Variants in VAV1 observed in about 807,000 individuals in gnomAD.
VAV1 encodes the protein proto-oncogene vav.
In VAV1, 33 loss-of-function variants were observed where a neutral mutation model predicts 128.1. The observed-to-expected ratio is 0.26, with a 90% CI of 0.20 to 0.34. VAV1 has a LOEUF of 0.34. Among genes scored for constraint, VAV1 ranks in the 10% least tolerant of loss-of-function variants. VAV1 has a pLI of 1.00. For missense variants in VAV1, 715 were observed against 1,093.7 expected (o/e 0.65, Z 4.88); for synonymous variants, 394 against 409.8 (o/e 0.96, Z 0.47).
rs573907106 is a variant in VAV1, at chr19:6,833,036, C to T, written c.1509-148C>T. ...TGCATGGCAGCACGATTCAGTGTGG[C>T]CAAAGGGTGAAAACGACCCAAAAGC... On this transcript the variant is annotated intron_variant, in intron 15 of 26. Transcript: ENST00000602142. 2.3e-3 allele frequency: 1,536 copies of T among 664,138 alleles called. 3 individuals are homozygous for T. The highest frequency in any genetic ancestry group is 3.4e-3 in the Non-Finnish European group (1,330 of 396,552). 41.1% of individuals were successfully genotyped at this position (664,138 alleles called of 1,614,324 possible).
At chr19:6,835,614 A>G (rs928468064) in intron 19 of VAV1, among the ~76,000 whole-genome samples, 1 of 152,210 alleles carries the variant, frequency 6.6e-6, no homozygotes, top group Non-Finnish European at 1.5e-5. Context: ...TGAGTTTTCT[A>G]TAAATAAAAT....
rs138673908 is a variant in VAV1 at position 6,798,025 on chromosome 19, C to T, written c.205-22677C>T. Among the ~76,000 whole-genome samples the T allele has an allele frequency of 2.1e-3, 319 of 152,064 alleles. 1 individual carries two copies. The highest frequency in any genetic ancestry group is 7.5e-3 in the African/African-American group (311 of 41,496). On this transcript the variant is annotated intron_variant, in intron 1 of 26. Coordinates refer to ENST00000602142, the MANE Select transcript of VAV1 (RefSeq NM_005428.4). Reference sequence around the variant, plus strand: ...GGGCGCGGTGGCTCACGCTGTAATCCCAGCACTTTGGGAGGCCGAGGTGGG... The same window carrying T: ...GGGCGCGGTGGCTCACGCTGTAATCTCAGCACTTTGGGAGGCCGAGGTGGG...
chr19:6,807,303 C>T (rs1464090650), intron 1 of VAV1, among the ~76,000 whole-genome samples: 1 of 151,850 alleles, frequency 6.6e-6, no homozygotes, highest in Non-Finnish European at 1.5e-5. Flanking sequence ...ACTAGATGAT[C>T]CCATCTGGGG....
chr19:6,835,582 A>T (rs981325140), intron 19 of VAV1, among the ~76,000 whole-genome samples: 1 of 152,212 alleles, frequency 6.6e-6, no homozygotes, highest in Non-Finnish European at 1.5e-5. Flanking sequence ...CTCTATCACC[A>T]TAGATTAATT....
chr19:6,811,753 A>C, intron 1 of VAV1, among the ~76,000 whole-genome samples: 1 of 152,176 alleles, frequency 6.6e-6, no homozygotes, highest in Non-Finnish European at 1.5e-5. Flanking sequence ...ATCACAGCTA[A>C]CTCTGGCCCA....
intron 21 of VAV1, among the ~76,000 whole-genome samples, chr19:6,841,410 G>C (rs1972374029): frequency 6.6e-6 from 1 of 151,950 alleles, no homozygotes; most frequent in African/African-American, 2.4e-5. Context: ...AAACAGGACG[G>C]CTGGGTCATA....
At chr19:6,833,803 A>C in intron 18 of VAV1, 70 bp downstream of exon 18, 1 of 1,613,276 alleles carries the variant, frequency 6.2e-7, no homozygotes, top group Non-Finnish European at 8.5e-7. Context: ...GACCCAGGAC[A>C]TCCTGGAACT....
chr19:6,850,822 G>T, intron 24 of VAV1, 65 bp downstream of exon 24: 1 of 1,541,618 alleles, frequency 6.5e-7, no homozygotes, highest in Non-Finnish European at 8.9e-7. Context: ...CTGCACCTCC[G>T]CCTTGGGACC....
intron 9 of VAV1, among the ~76,000 whole-genome samples, chr19:6,827,588 TTTTG>T (rs146513546): frequency 8.6e-5 from 13 of 151,916 alleles, no homozygotes; most frequent in Admixed American, 3.3e-4. Context: ...CCCATTGCTT[TTTTG>T]TTTGTTTGTT....
chr19:6,825,360 C>G lies in VAV1; in HGVS notation c.781C>G (p.Pro261Ala). Reference protein sequence around the residue: ...LKEMKEALGTPGAANLYQVFI... With the variant: ...LKEMKEALGTAGAANLYQVFI... ...GGAGATGAAGGAAGCCCTGGGCACC[C>G]CTGGCGCAGCCAATCTCTACCAGGT... The change falls in exon 8 of 27, where the codon CCT (proline) becomes GCT (alanine). Residue 261 changes from proline to alanine, a missense_variant. Coordinates refer to ENST00000602142, the MANE Select transcript of VAV1 (RefSeq NM_005428.4). 6.2e-7 allele frequency: 1 copy of G among 1,613,894 alleles called. No homozygotes were observed.
chr19:6,811,034 CTATT>C (rs1002791231), intron 1 of VAV1, among the ~76,000 whole-genome samples: 1 of 152,030 alleles, frequency 6.6e-6, no homozygotes, highest in Non-Finnish European at 1.5e-5. Flanking sequence ...TTATTCATTT[CTATT>C]TATTTATTTA....
rs1970529774 is a variant in VAV1 at position 6,772,714 on chromosome 19, A to G, written c.-94A>G. The G allele has an allele frequency of 7.4e-7, 1 of 1,347,194 alleles. No individual in the cohort carries two copies. The highest frequency in any genetic ancestry group is 1.0e-6 in the Non-Finnish European group (1 of 986,126). The allele number at this position is 1,347,194 out of a possible 1,614,324, so 83.5% of individuals were successfully genotyped here. On this transcript the variant is annotated 5_prime_UTR_variant, in exon 1 of 27. Coordinates refer to ENST00000602142, the MANE Select transcript of VAV1 (RefSeq NM_005428.4). The surrounding 1 kb of genome is among the most constrained non-coding windows in gnomAD (Gnocchi z 4.8). ...GCAAAGAAGAGGAAGTGGTAGCACT[A>G]GCTGTCGCTCCACAGGCGAGCAGGG...
intron 1 of VAV1, among the ~76,000 whole-genome samples, chr19:6,783,702 G>A (rs138384737): frequency 0.015 from 2,209 of 151,948 alleles, 54 homozygotes; most frequent in African/African-American, 0.051. Flanking sequence ...TCCTGACCTC[G>A]GGTGATCCAC....
chr19:6,827,032 T>G, intron 9 of VAV1: 1 of 324,398 alleles, frequency 3.1e-6, no homozygotes, highest in South Asian at 4.5e-5. Flanking sequence ...AGCTCCCACT[T>G]CTCACTGAAC....
chr19:6,844,852 T>TA (rs946072298), intron 22 of VAV1, among the ~76,000 whole-genome samples: 6 of 151,012 alleles, frequency 4.0e-5, no homozygotes, highest in African/African-American at 9.8e-5. Flanking sequence ...AATGCAACAT[T>TA]AAAAAAAATC....
At chr19:6,831,523 A>G (rs1972054170) in intron 14 of VAV1, among the ~76,000 whole-genome samples, 1 of 152,144 alleles carries the variant, frequency 6.6e-6, no homozygotes, top group Non-Finnish European at 1.5e-5. Context: ...CACATTGGTC[A>G]GGCTGGTCTC....
chr19:6,828,498 G>A lies in VAV1; in HGVS notation c.1092+11G>A, dbSNP rs1478691176. The A allele has an allele frequency of 6.2e-7, 1 of 1,614,188 alleles. No homozygotes were observed. ...CTGGATGCCATGAGGGTGAGTGGGT[G>A]TAGGGTGCTGGTGACTCACCTGCTG... is the stretch of plus-strand genomic sequence containing the variant. On this transcript the variant is annotated intron_variant, in intron 11 of 26. Transcript: ENST00000602142. The surrounding 1 kb of genome is among the most constrained non-coding windows in gnomAD (Gnocchi z 4.5).
intron 1 of VAV1, among the ~76,000 whole-genome samples, chr19:6,803,650 T>C (rs13345466): frequency 0.18 from 26,725 of 151,888 alleles, 4,339 homozygotes; most frequent in African/African-American, 0.43. Flanking sequence ...CTGCAACCTC[T>C]GCTTCCCAGG....
chr19:6,798,109 T>C (rs916754499), intron 1 of VAV1, among the ~76,000 whole-genome samples: 7 of 152,008 alleles, frequency 4.6e-5, no homozygotes, highest in African/African-American at 1.7e-4. Context: ...AGACCCTGTC[T>C]GTACTAAAAA....
Sources: gnomAD v4.1 joint callset for allele counts (sites outside exome capture counted in the v4.1 genomes callset) on GRCh38, gnomAD v4.1.1 for gene constraint, Gnocchi (gnomAD v3.1) non-coding constraint, MANE v1.5 for transcripts, NCBI Gene and HGNC (gene_info 2026-07-23, HGNC 2026-07-21) for gene names.